WWOX: variants seen among roughly 807,000 people sequenced by gnomAD.
The protein encoded by WWOX is WW domain-containing oxidoreductase.
A neutral mutation model predicts 46.2 loss-of-function variants in WWOX; 69 were observed. That is an observed-to-expected ratio of 1.49 (90% CI 1.23 to 1.82). WWOX has a LOEUF of 1.82. Ranked by LOEUF, WWOX falls within the 40% of genes most tolerant of loss-of-function variation. The probability of loss-of-function intolerance (pLI) is 0.00; values close to 1 mark genes in which losing one functional copy is unlikely to be tolerated. For missense variants in WWOX, 919 were observed against 542.6 expected (o/e 1.69, Z -6.89); for synonymous variants, 359 against 202.6 (o/e 1.77, Z -6.56).
chr16:78,795,278 A>G (rs1161357150), intron 8 of WWOX, among the ~76,000 whole-genome samples: 1 of 152,230 alleles, frequency 6.6e-6, no homozygotes, highest in Non-Finnish European at 1.5e-5. Flanking sequence ...AATACTTTAT[A>G]TAATTTACTC....
At position 78,619,140 on chromosome 16, in the gene WWOX, AAAATATATATATATATATAT is replaced by A. The variant is rs2046107159; in HGVS notation, c.1056+186390_1056+186409del. On this transcript the variant is annotated intron_variant, in intron 8 of 8. Coordinates refer to ENST00000566780, the MANE Select transcript of WWOX (RefSeq NM_016373.4). ...GCAAAACCCCATTTCTACTAAAAAAAAAATATATATATATATATATATATATATATATATATATATATATA... is the reference window on the plus strand; with the variant it reads ...GCAAAACCCCATTTCTACTAAAAAAAATATATATATATATATATATATATA... Among the ~76,000 whole-genome samples, 4 of 11,752 alleles carry A rather than the reference AAAATATATATATATATATAT, an allele frequency of 3.4e-4. 2 individuals are homozygous for A. Among genetic ancestry groups the A allele is most frequent in the Non-Finnish European group, 7.2e-4 (4 of 5,590 alleles). The allele number at this position is 11,752 out of a possible 152,430, so 7.7% of individuals were successfully genotyped here.
chr16:78,472,290 C>T (rs774457528), intron 8 of WWOX, among the ~76,000 whole-genome samples: 1 of 152,118 alleles, frequency 6.6e-6, no homozygotes, highest in African/African-American at 2.4e-5. Context: ...ATGTGGTCAG[C>T]CTCTTATCTC....
At chr16:78,348,912 CA>C (rs2081139146) in intron 5 of WWOX, among the ~76,000 whole-genome samples, 1 of 120,362 alleles carries the variant, frequency 8.3e-6, no homozygotes, top group East Asian at 1.9e-4. Context: ...GGTCAGAAAT[CA>C]GGGTGGAAAA....
chr16:78,269,944 G>C (rs2079442262), intron 5 of WWOX, among the ~76,000 whole-genome samples: 1 of 101,948 alleles, frequency 9.8e-6, no homozygotes. Context: ...CTTTCACCAG[G>C]TATTTTTTTG....
At chr16:78,391,850 A>ATAAG (rs934963617) in intron 6 of WWOX, among the ~76,000 whole-genome samples, 46 of 152,296 alleles carry the variant, frequency 3.0e-4, no homozygotes, top group Middle Eastern at 3.4e-3. Context: ...AATTACTCCA[A>ATAAG]AATTTAGTGG....
Position 78,820,186 on chromosome 16 carries a change from G to A in WWOX, c.1056+387434G>A, listed in dbSNP as rs372437886. Among the ~76,000 whole-genome samples the A allele has an allele frequency of 2.2e-4, 34 of 152,214 alleles. No homozygotes were observed. In the South Asian group the frequency reaches 6.4e-3, roughly 29 times the overall value. ...GCTGGAGACATAGGAGAAGCCCCCA[G>A]CCACTGACATCTGGGTGTTGTAAGA... On this transcript the variant is annotated intron_variant, in intron 8 of 8. Coordinates refer to ENST00000566780, the MANE Select transcript of WWOX (RefSeq NM_016373.4).
At chr16:78,426,808 C>T (rs150551634) in intron 7 of WWOX, among the ~76,000 whole-genome samples, 2,122 of 152,202 alleles carry the variant, frequency 0.014, 55 homozygotes, top group African/African-American at 0.049. Context: ...GGACCACAGG[C>T]GCTTGCCACC....
intron 5 of WWOX, among the ~76,000 whole-genome samples, chr16:78,282,454 T>C (rs1325133436): frequency 6.6e-6 from 1 of 152,204 alleles, no homozygotes; most frequent in African/African-American, 2.4e-5. Context: ...AGCATTCCTG[T>C]TTCCATCTCA....
chr16:78,858,633 C>A (rs1244867382), intron 8 of WWOX, among the ~76,000 whole-genome samples: 2 of 151,870 alleles, frequency 1.3e-5, no homozygotes, highest in South Asian at 4.1e-4. Flanking sequence ...AGGGAATTTT[C>A]TTTCTTTTTT....
chr16:78,864,657 T>A (rs903855194), intron 8 of WWOX, among the ~76,000 whole-genome samples: 1 of 152,002 alleles, frequency 6.6e-6, no homozygotes, highest in Non-Finnish European at 1.5e-5. Context: ...GGCCCAGCTC[T>A]GAGATTCCCT....
chr16:78,783,247 T>G (rs1315921548), intron 8 of WWOX, among the ~76,000 whole-genome samples: 1 of 152,214 alleles, frequency 6.6e-6, no homozygotes, highest in Non-Finnish European at 1.5e-5. Context: ...CATCAGACAT[T>G]TAGATTTCAA....
chr16:78,847,267 A>G (rs2052323785), intron 8 of WWOX, among the ~76,000 whole-genome samples: 1 of 152,200 alleles, frequency 6.6e-6, no homozygotes, highest in Non-Finnish European at 1.5e-5. Context: ...GTTTAGAAAT[A>G]TGTGTATTAT....
intron 5 of WWOX, among the ~76,000 whole-genome samples, chr16:78,232,484 T>C (rs1159812121): frequency 6.6e-6 from 1 of 152,162 alleles, no homozygotes; most frequent in African/African-American, 2.4e-5. Context: ...CCAGGGACTG[T>C]AGAGGTTTGC....
intron 8 of WWOX, among the ~76,000 whole-genome samples, chr16:78,466,703 C>T (rs1250476683): frequency 6.6e-6 from 1 of 152,034 alleles, no homozygotes; most frequent in Non-Finnish European, 1.5e-5. Context: ...CAAAAATTAG[C>T]CAGGCTTGGC....
intron 5 of WWOX, among the ~76,000 whole-genome samples, chr16:78,192,464 C>T (rs544120080): frequency 3.9e-4 from 54 of 138,694 alleles, no homozygotes; most frequent in African/African-American, 1.3e-3. Context: ...TGCACTCCAG[C>T]CTAGGTGACA....
At chr16:78,759,154 A>C (rs77801903) in intron 8 of WWOX, among the ~76,000 whole-genome samples, 1 of 152,084 alleles carries the variant, frequency 6.6e-6, no homozygotes, top group African/African-American at 2.4e-5. Context: ...CAGTGAAGTT[A>C]TATGTGGTGC....
At chr16:78,395,836 A>T (rs182019820) in intron 6 of WWOX, among the ~76,000 whole-genome samples, 1 of 152,040 alleles carries the variant, frequency 6.6e-6, no homozygotes, top group African/African-American at 2.4e-5. Flanking sequence ...GGACCCAAGG[A>T]TGCTTCACAG....
chr16:78,123,358 A>G (rs1363114399), intron 4 of WWOX: 5 of 150,088 alleles, frequency 3.3e-5, no homozygotes, highest in African/African-American at 1.2e-4. Flanking sequence ...GGAAATTGTA[A>G]TATTTAAGTA....
chr16:78,461,502 T>C (rs1485068093), intron 8 of WWOX, among the ~76,000 whole-genome samples: 1 of 152,236 alleles, frequency 6.6e-6, no homozygotes, highest in Non-Finnish European at 1.5e-5. Context: ...TCTTGTTTTA[T>C]GAAAGAAATA....
Sources: allele counts gnomAD v4.1 joint callset (sites outside exome capture counted in the v4.1 genomes callset), GRCh38; gene constraint gnomAD v4.1.1; transcripts MANE v1.5; gene names NCBI Gene and HGNC (gene_info 2026-07-23, HGNC 2026-07-21).